Variants in PTPN12 observed in about 807,000 individuals in gnomAD.
PTPN12 encodes the protein protein tyrosine phosphatase non-receptor type 12.
In PTPN12, 29 loss-of-function variants were observed where a neutral mutation model predicts 97.6. The observed-to-expected ratio is 0.30, with a 90% CI of 0.22 to 0.41. PTPN12 has a LOEUF of 0.41. Ranked by LOEUF, PTPN12 falls within the 10% of genes least tolerant of loss-of-function variation. The probability of loss-of-function intolerance (pLI) is 1.00; values close to 1 mark genes in which losing one functional copy is unlikely to be tolerated. For synonymous variants in PTPN12, 327 were observed against 300.4 expected (o/e 1.09, Z -0.91); for missense variants, 819 against 926.0 (o/e 0.88, Z 1.50).
Position 77,564,762 on chromosome 7 carries a change from T to TTTTG in PTPN12, c.100-6313_100-6312insGTTT, listed in dbSNP as rs1808181281. 6.3e-5 allele frequency among the ~76,000 whole-genome samples: 7 copies of TTTTG among 110,658 alleles called. 1 individual carries two copies. Among genetic ancestry groups the TTTTG allele is most frequent in the African/African-American group, 6.9e-5 (2 of 28,936 alleles). 72.6% of individuals were successfully genotyped at this position (110,658 alleles called of 152,430 possible). A position where few individuals can be genotyped will look rare whatever the true frequency, so the allele number is the denominator to read the frequency against. ...TGTTGTCGTGTTTTTTTTTTTTTTTTTTTTTTTTTTTTTTGAGACGGAATC... is the reference window on the plus strand; with the variant it reads ...TGTTGTCGTGTTTTTTTTTTTTTTTTTTTGTTTTTTTTTTTTTTGAGACGGAATC... On this transcript the variant is annotated intron_variant, in intron 1 of 17. Transcript: ENST00000248594.
chr7:77,564,018 C>T (rs534980731), intron 1 of PTPN12: 10 of 354,054 alleles, frequency 2.8e-5, no homozygotes, highest in South Asian at 6.0e-5. Flanking sequence ...GCTGGGACTA[C>T]GGGCACACAC....
At chr7:77,564,744 G>GTTTTT (rs1329627463) in intron 1 of PTPN12, among the ~76,000 whole-genome samples, 6 of 34,362 alleles carry the variant, frequency 1.7e-4, no homozygotes, top group Non-Finnish European at 2.2e-4. Context: ...TTTTGTTGTC[G>GTTTTT]TGTTTTTTTT....
intron 1 of PTPN12, among the ~76,000 whole-genome samples, chr7:77,540,360 C>G (rs1316530151): frequency 6.6e-6 from 1 of 151,750 alleles, no homozygotes; most frequent in African/African-American, 2.4e-5. Flanking sequence ...GCCTCAGCCT[C>G]CTGAGTAGCT....
chr7:77,593,387 T>C (rs1165645766), intron 6 of PTPN12, among the ~76,000 whole-genome samples: 1 of 152,020 alleles, frequency 6.6e-6, no homozygotes, highest in Non-Finnish European at 1.5e-5. Context: ...TTTAAGGAGA[T>C]TTATTACGAG....
chr7:77,611,106 T>A, intron 11 of PTPN12, 60 bp downstream of exon 11: 1 of 1,332,728 alleles, frequency 7.5e-7, no homozygotes, highest in Non-Finnish European at 1.1e-6. Flanking sequence ...GATGTAATAT[T>A]TAGCCTTTTT....
chr7:77,622,490 C>T (rs1788974538), intron 12 of PTPN12, among the ~76,000 whole-genome samples: 1 of 152,122 alleles, frequency 6.6e-6, no homozygotes, highest in Non-Finnish European at 1.5e-5. Context: ...AGAATATAGG[C>T]CAGGCGCAGT....
At chr7:77,555,863 C>T (rs1179630300) in intron 1 of PTPN12, among the ~76,000 whole-genome samples, 9 of 151,020 alleles carry the variant, frequency 6.0e-5, no homozygotes, top group Non-Finnish European at 1.2e-4. Flanking sequence ...TGCAGTGAGC[C>T]GAGATCACAC....
intron 11 of PTPN12, among the ~76,000 whole-genome samples, chr7:77,612,241 T>C (rs1305783402): frequency 1.3e-5 from 2 of 152,230 alleles, no homozygotes; most frequent in African/African-American, 2.4e-5. Flanking sequence ...TTAGGAAATA[T>C]GCATTTCTTT....
At position 77,605,416 on chromosome 7, in the gene PTPN12, T is replaced by G. The variant is rs1159427197; in HGVS notation, c.696-1819T>G. 3.1e-4 allele frequency among the ~76,000 whole-genome samples: 38 copies of G among 124,396 alleles called. 2 individuals carry two copies. Among genetic ancestry groups the G allele is most frequent in the Non-Finnish European group, 4.3e-4 (25 of 58,510 alleles). 81.6% of individuals were successfully genotyped at this position (124,396 alleles called of 152,430 possible). On this transcript the variant is annotated intron_variant, in intron 8 of 17. Transcript: ENST00000248594. Reference sequence around the variant, plus strand: ...AAAATACTTTTGTCATGAGTTTTTTTTTTTTTTTTTTTTTTTTTTTTGAGA... The same window carrying G: ...AAAATACTTTTGTCATGAGTTTTTTGTTTTTTTTTTTTTTTTTTTTTGAGA...
intron 12 of PTPN12, among the ~76,000 whole-genome samples, chr7:77,625,472 G>GCTCGCGCCCTCTCTCT: frequency 3.0e-5 from 1 of 33,522 alleles, no homozygotes; most frequent in African/African-American, 1.3e-4. Flanking sequence ...CAGGCTGCTC[G>GCTCGCGCCCTCTCTCT]CTCTCTCTCT....
chr7:77,537,897 G>C, intron 1 of PTPN12: 1 of 554,750 alleles, frequency 1.8e-6, no homozygotes, highest in Non-Finnish European at 2.6e-6. Context: ...CGGCCGCGCG[G>C]CCGAGCCCGC....
chr7:77,626,719 G>A lies in PTPN12; in HGVS notation c.1040G>A (p.Gly347Glu), dbSNP rs766369543. 6.3e-7 allele frequency: 1 copy of A among 1,597,238 alleles called. No homozygotes were observed. Among genetic ancestry groups the A allele is most frequent in the Admixed American group, 1.8e-5 (1 of 55,798 alleles). ...PPRTRSCLVE[G>E]DAKEEILQPP... ...TTGTTTTTCAGTTGCCTTGTTGAAG[G>A]GGATGCTAAAGAAGAAATACTGCAG... Residue 347 changes from glycine (G) to glutamate (E), a missense_variant, in exon 13 of 18, where the codon GGG (glycine) becomes GAG (glutamate). By Grantham distance (98) the Gly-to-Glu change is moderately conservative. Around this residue, in one of 5 missense-constraint regions of PTPN12, gnomAD observed 607 missense variants for 577.3 expected, o/e 1.05. Coordinates refer to ENST00000248594, the MANE Select transcript of PTPN12 (RefSeq NM_002835.4).
chr7:77,575,382 C>G (rs1377831922), intron 2 of PTPN12, among the ~76,000 whole-genome samples: 1 of 152,066 alleles, frequency 6.6e-6, no homozygotes, highest in Non-Finnish European at 1.5e-5. Context: ...CGTGTGTACA[C>G]TTGTGGTCCC....
chr7:77,537,797 C>A, intron 1 of PTPN12, 152 bp downstream of exon 1: 1 of 880,562 alleles, frequency 1.1e-6, no homozygotes, highest in Non-Finnish European at 1.6e-6. Context: ...GTCTCGGAGG[C>A]CAGCGGGAGG....
chr7:77,603,525 G>A (rs998601085), intron 8 of PTPN12, among the ~76,000 whole-genome samples: 1 of 152,098 alleles, frequency 6.6e-6, no homozygotes, highest in East Asian at 1.9e-4. Context: ...TGCTCTTGTT[G>A]CCCAGGCTGG....
intron 2 of PTPN12, among the ~76,000 whole-genome samples, chr7:77,580,102 G>A (rs1422983811): frequency 6.6e-6 from 1 of 152,194 alleles, no homozygotes; most frequent in African/African-American, 2.4e-5. Flanking sequence ...TGGCCCATCA[G>A]TAGAGTAGCT....
Position 77,627,075 on chromosome 7 carries a change from T to A in PTPN12, c.1396T>A (p.Ser466Thr). 1 of 1,614,022 alleles carries A rather than the reference T, an allele frequency of 6.2e-7. No homozygotes were observed. The highest frequency in any genetic ancestry group is 8.5e-7 in the Non-Finnish European group (1 of 1,179,962). Residue 466 changes from serine (S) to threonine (T), a missense_variant, in exon 13 of 18, where the codon TCT becomes ACT. Physicochemically the swap from Ser to Thr is moderately conservative, Grantham distance 58. Around this residue, in one of 5 missense-constraint regions of PTPN12, gnomAD observed 607 missense variants for 577.3 expected, o/e 1.05. Transcript: ENST00000248594. ...LNRGHAIKIK[S>T]ASPCIADKIS... ...TAGGGGACATGCAATTAAAATTAAA[T>A]CTGCTTCACCTTGTATAGCTGATAA...
chr7:77,629,215 C>T (rs558616133), intron 13 of PTPN12, among the ~76,000 whole-genome samples: 1 of 152,360 alleles, frequency 6.6e-6, no homozygotes, highest in African/African-American at 2.4e-5. Flanking sequence ...TCCCAAAGGG[C>T]TGGGATTACA....
chr7:77,613,942 A>G (rs1011383686), intron 11 of PTPN12, among the ~76,000 whole-genome samples: 1 of 152,148 alleles, frequency 6.6e-6, no homozygotes, highest in Non-Finnish European at 1.5e-5. Flanking sequence ...CCCAGGCCAG[A>G]GTGCAGTGGA....
Sources: gnomAD v4.1 joint callset for allele counts (sites outside exome capture counted in the v4.1 genomes callset) on GRCh38, gnomAD v4.1.1 for gene constraint, gnomAD v4.1.1 regional missense constraint, MANE v1.5 for transcripts, NCBI Gene and HGNC (gene_info 2026-07-23, HGNC 2026-07-21) for gene names.